The following PCDHGB6 variants were observed in gnomAD, a reference collection of about 807,000 sequenced individuals.
The protein encoded by PCDHGB6 is protocadherin gamma-B6.
Under a neutral mutation model 59.1 loss-of-function variants are expected in PCDHGB6, and 51 were observed. The ratio of observed to expected loss-of-function variants is 0.86; its 90% CI spans 0.69 to 1.09. PCDHGB6 has a LOEUF of 1.09. PCDHGB6 is among the 50% of genes least tolerant of loss of function. The pLI is 0.00. For missense variants in PCDHGB6, 1,148 were observed against 1,205.1 expected (o/e 0.95, Z 0.70); for synonymous variants, 466 against 495.1 (o/e 0.94, Z 0.78).
chr5:141,431,603 C>T lies in PCDHGB6; in HGVS notation c.2418+20983C>T, dbSNP rs746243366. On this transcript the variant is annotated intron_variant, in intron 1 of 3. Coordinates refer to ENST00000520790, the MANE Select transcript of PCDHGB6 (RefSeq NM_018926.3). This position sits in a 1 kb window ranked among gnomAD's most constrained non-coding sequence, Gnocchi z 4.8. ...CAATGCGGAAGTGAGGTATTCCTTC[C>T]GGTATGTGGACGACAAGGCGGCCCA... is the stretch of plus-strand genomic sequence containing the variant. 1.1e-5 allele frequency: 17 copies of T among 1,614,212 alleles called. No individual in the cohort carries two copies. Among genetic ancestry groups the T allele is most frequent in the Non-Finnish European group, 1.4e-5 (16 of 1,180,044 alleles).
At chr5:141,435,391 A>C (rs1328617100) in intron 1 of PCDHGB6, among the ~76,000 whole-genome samples, 5 of 152,202 alleles carry the variant, frequency 3.3e-5, no homozygotes, top group African/African-American at 1.2e-4. Flanking sequence ...CCGTATTGCC[A>C]TGACGAAAAA....
At chr5:141,418,512 G>C (rs776986277) in intron 1 of PCDHGB6, 1 of 1,613,966 alleles carries the variant, frequency 6.2e-7, no homozygotes, top group Non-Finnish European at 8.5e-7. Context: ...TTAGATGGTG[G>C]GGACCCTCCC....
chr5:141,408,816 A>T lies in PCDHGB6; in HGVS notation c.614A>T (p.Gln205Leu). ...GAGAAACTCCTAGACCGGGAAGAAC[A>T]GAGATCTCATAGCTTGATATTGACT... ...SLEKLLDREE[Q>L]RSHSLILTAL... Residue 205 changes from glutamine to leucine, a missense_variant, in exon 1 of 4, where the codon CAG becomes CTG. This residue lies in a region of PCDHGB6 where 307 missense variants were observed against 323.8 expected (regional missense o/e 0.95). Transcript: ENST00000520790. The T allele has an allele frequency of 6.2e-7, 1 of 1,613,562 alleles. No homozygotes were observed. Among genetic ancestry groups the T allele is most frequent in the East Asian group, 2.2e-5 (1 of 44,874 alleles).
In PCDHGB6 at chr5:141,432,700, G is replaced by C. The variant is rs1320099367; in HGVS notation, c.2418+22080G>C. 4 of 1,613,980 alleles carry C rather than the reference G, an allele frequency of 2.5e-6. No individual in the cohort carries two copies. In the Admixed American group the frequency reaches 6.7e-5, roughly 27 times the overall value. ...AGCAGAGCCTCGTAGTGGCCGTCCA[G>C]GACCACGGCCAGCCCCCTCTCTCCG... On this transcript the variant is annotated intron_variant, in intron 1 of 3. Coordinates refer to ENST00000520790, the MANE Select transcript of PCDHGB6 (RefSeq NM_018926.3). The surrounding 1 kb of genome is among the most constrained non-coding windows in gnomAD (Gnocchi z 6.0).
intron 3 of PCDHGB6, among the ~76,000 whole-genome samples, chr5:141,510,538 G>A (rs1423013528): frequency 1.3e-5 from 2 of 152,216 alleles, no homozygotes; most frequent in East Asian, 1.9e-4. Context: ...AAATACCAGC[G>A]AATGTGTTTT....
intron 1 of PCDHGB6, among the ~76,000 whole-genome samples, chr5:141,429,712 C>T (rs998121271): frequency 1.3e-5 from 2 of 151,994 alleles, no homozygotes; most frequent in African/African-American, 2.4e-5. Flanking sequence ...TAAATATTTA[C>T]GCTCATGAAA....
intron 1 of PCDHGB6, among the ~76,000 whole-genome samples, chr5:141,463,839 T>C (rs1356261890): frequency 1.3e-5 from 2 of 152,240 alleles, no homozygotes; most frequent in African/African-American, 4.8e-5. Flanking sequence ...TTCCCAGTTG[T>C]TATAGTGGTA....
In PCDHGB6 at chr5:141,431,243, A is replaced by G; in HGVS notation, c.2418+20623A>G. 1 of 1,614,154 alleles carries G rather than the reference A, an allele frequency of 6.2e-7. No homozygotes were observed. Among genetic ancestry groups the G allele is most frequent in the Non-Finnish European group, 8.5e-7 (1 of 1,180,034 alleles). ...TCTACCCCACGCCTGGGATCCGGAT[A>G]TCGGGAAGAACTCTCTGCAGAGCTA... On this transcript the variant is annotated intron_variant, in intron 1 of 3. Coordinates refer to ENST00000520790, the MANE Select transcript of PCDHGB6 (RefSeq NM_018926.3). This position sits in a 1 kb window ranked among gnomAD's most constrained non-coding sequence, Gnocchi z 4.8.
intron 1 of PCDHGB6, chr5:141,413,899 A>G: frequency 1.2e-6 from 2 of 1,613,286 alleles, no homozygotes; most frequent in Non-Finnish European, 1.7e-6. Context: ...TGCAAATGAC[A>G]ACGCGCCGGT....
chr5:141,490,111 A>G lies in PCDHGB6; in HGVS notation c.2419-4696A>G. 6.2e-7 allele frequency: 1 copy of G among 1,614,244 alleles called. No individual in the cohort carries two copies. The highest frequency in any genetic ancestry group is 8.5e-7 in the Non-Finnish European group (1 of 1,180,042). On this transcript the variant is annotated intron_variant, in intron 1 of 3. Coordinates refer to ENST00000520790, the MANE Select transcript of PCDHGB6 (RefSeq NM_018926.3). The surrounding 1 kb of genome is among the most constrained non-coding windows in gnomAD (Gnocchi z 5.4). ...AGACCACACATCTGAGGCAGTGCGGAACCTCTTTGGCCTAGACCCTAGCAG... is the reference window on the plus strand; with the variant it reads ...AGACCACACATCTGAGGCAGTGCGGGACCTCTTTGGCCTAGACCCTAGCAG...
At chr5:141,441,703 A>C (rs1329703451) in intron 1 of PCDHGB6, 2 of 312,092 alleles carry the variant, frequency 6.4e-6, no homozygotes, top group Non-Finnish European at 1.3e-5. Context: ...CGAGCCTTCA[A>C]GCTCACGCTG....
chr5:141,438,586 A>G (rs949534736), intron 1 of PCDHGB6, among the ~76,000 whole-genome samples: 2 of 56,254 alleles, frequency 3.6e-5, no homozygotes, highest in South Asian at 6.2e-4. Context: ...ATACATACAT[A>G]CATACATATA....
chr5:141,488,985 C>G lies in PCDHGB6; in HGVS notation c.2419-5822C>G, dbSNP rs574857958. On this transcript the variant is annotated intron_variant, in intron 1 of 3. Transcript: ENST00000520790. ...ACTTTTTGGCCAATCAGACTCAGAG[C>G]TGAGGTGGGAGATCTGCTCTTCCAG... The G allele has an allele frequency of 7.4e-6, 3 of 405,188 alleles. No homozygotes were observed. In the South Asian group the frequency reaches 2.4e-4, roughly 32 times the overall value. The allele number at this position is 405,188 out of a possible 1,614,324, so 25.1% of individuals were successfully genotyped here.
rs775270875 is a variant in PCDHGB6 at position 141,410,577 on chromosome 5, A to G, written c.2375A>G (p.His792Arg). ...SVSPGALIPP[H>R]GGEDLTSHPE... ...TCTCCTGGAGCCTTAATTCCACCTCATGGTGGGGAGGATTTGACTTCACAT... is the reference window on the plus strand; with the variant it reads ...TCTCCTGGAGCCTTAATTCCACCTCGTGGTGGGGAGGATTTGACTTCACAT... The change falls in exon 1 of 4, where the codon CAT becomes CGT. Residue 792 changes from histidine (H) to arginine (R), a missense_variant. Around this residue, in one of 5 missense-constraint regions of PCDHGB6, gnomAD observed 283 missense variants for 318.6 expected, o/e 0.89. Coordinates refer to ENST00000520790, the MANE Select transcript of PCDHGB6 (RefSeq NM_018926.3). 4 of 1,610,116 alleles carry G rather than the reference A, an allele frequency of 2.5e-6. No homozygotes were observed. In the Admixed American group the frequency reaches 5.0e-5, roughly 20 times the overall value.
chr5:141,494,142 A>AAGACAACT (rs2099752181), intron 1 of PCDHGB6, among the ~76,000 whole-genome samples: 5 of 152,090 alleles, frequency 3.3e-5, no homozygotes, highest in Admixed American at 6.5e-5. Context: ...TTAGTCACAG[A>AAGACAACT]CCATTGTCTG....
At chr5:141,423,147 G>A (rs545052756) in intron 1 of PCDHGB6, 4 of 1,613,578 alleles carry the variant, frequency 2.5e-6, no homozygotes, top group African/African-American at 2.7e-5. Context: ...ACGCGCTCAA[G>A]CAGAGCCTCG....
intron 1 of PCDHGB6, among the ~76,000 whole-genome samples, chr5:141,466,863 C>A (rs1409042461): frequency 1.3e-5 from 2 of 152,070 alleles, no homozygotes; most frequent in African/African-American, 4.8e-5. Context: ...ATTTTGAAAT[C>A]CACACATTTT....
Position 141,422,132 on chromosome 5 carries a change from T to C in PCDHGB6, c.2418+11512T>C, listed in dbSNP as rs768931697. ...CAATTGGATTCACAAACTGGAGAAG[T>C]TCAAGTACGGGGGTCTCTGGATTTT... On this transcript the variant is annotated intron_variant, in intron 1 of 3. Coordinates refer to ENST00000520790, the MANE Select transcript of PCDHGB6 (RefSeq NM_018926.3). The C allele has an allele frequency of 1.2e-5, 19 of 1,598,396 alleles. No individual in the cohort carries two copies. In the South Asian group the frequency reaches 2.0e-4, roughly 17 times the overall value.
Position 141,410,503 on chromosome 5 carries a change from A to G in PCDHGB6, c.2301A>G (p.Leu767=). Residue 767 remains leucine (L), a synonymous_variant, in exon 1 of 4, where the codon CTA becomes CTG. Transcript: ENST00000520790. ...CGGGTACAAAAGAGTTTAATTTCCT[A>G]AAATGCAGTGTGCCCCTACATTCCA... ...AHTGTKEFNF[L]KCSVPLHSNE... The G allele has an allele frequency of 6.2e-7, 1 of 1,613,958 alleles. No homozygotes were observed. Among genetic ancestry groups the G allele is most frequent in the Non-Finnish European group, 8.5e-7 (1 of 1,179,892 alleles).
Sources: gnomAD v4.1 joint callset for allele counts (sites outside exome capture counted in the v4.1 genomes callset) on GRCh38, gnomAD v4.1.1 for gene constraint, gnomAD v4.1.1 regional missense constraint, Gnocchi (gnomAD v3.1) non-coding constraint, MANE v1.5 for transcripts, NCBI Gene and HGNC (gene_info 2026-07-23, HGNC 2026-07-21) for gene names.